Variants in GFOD1 observed in about 807,000 individuals in gnomAD.
GFOD1 encodes glucose-fructose oxidoreductase domain-containing protein 1.
Under a neutral mutation model 25.4 loss-of-function variants are expected in GFOD1, and 9 were observed. The ratio of observed to expected loss-of-function variants is 0.35; its 90% CI spans 0.21 to 0.62. The LOEUF is 0.62. GFOD1 is among the 20% of genes least tolerant of loss of function. The pLI, the probability that GFOD1 is intolerant of heterozygous loss-of-function variation, is 0.72. For missense variants in GFOD1, 403 were observed against 556.9 expected (o/e 0.72, Z 2.78); for synonymous variants, 253 against 245.6 (o/e 1.03, Z -0.28).
chr6:13,435,282 C>A (rs1757817087), intron 1 of GFOD1, among the ~76,000 whole-genome samples: 1 of 152,160 alleles, frequency 6.6e-6, no homozygotes, highest in Non-Finnish European at 1.5e-5. Context: ...CTACTTGCAT[C>A]CTGAACAAGT....
chr6:13,424,188 T>C (rs546510342), intron 1 of GFOD1, among the ~76,000 whole-genome samples: 6 of 152,186 alleles, frequency 3.9e-5, no homozygotes, highest in Admixed American at 6.5e-5. Context: ...AAAATAATTA[T>C]AATGGGCTCA....
At chr6:13,415,758 T>G (rs1451118055) in intron 1 of GFOD1, among the ~76,000 whole-genome samples, 1 of 152,212 alleles carries the variant, frequency 6.6e-6, no homozygotes, top group Non-Finnish European at 1.5e-5. Context: ...GCACATAGAG[T>G]TTGAGCCATG....
In GFOD1 at chr6:13,376,983, T is replaced by C. The variant is rs551203210; in HGVS notation, c.254-11321A>G. 3.3e-5 allele frequency among the ~76,000 whole-genome samples: 5 copies of C among 151,606 alleles called. No individual in the cohort carries two copies. The South Asian group carries it at 1.0e-3, about 32-fold the overall frequency. On this transcript the variant is annotated intron_variant, in intron 1 of 1. Coordinates refer to ENST00000379287, the MANE Select transcript of GFOD1 (RefSeq NM_018988.4). ...CTATTCAAGGTGGGTTGTGCTTTAG[T>C]GAAGGGATCACAAGTGTATTTACCC...
intron 1 of GFOD1, among the ~76,000 whole-genome samples, chr6:13,424,527 T>A (rs1786317340): frequency 6.6e-6 from 1 of 152,080 alleles, no homozygotes; most frequent in Admixed American, 6.5e-5. Flanking sequence ...TGGAACAACA[T>A]AAAACTATTA....
chr6:13,437,722 A>G (rs1009926404), intron 1 of GFOD1, among the ~76,000 whole-genome samples: 7 of 152,178 alleles, frequency 4.6e-5, no homozygotes, highest in African/African-American at 1.7e-4. Context: ...CAATGCATAC[A>G]CCATGGGCCA....
intron 1 of GFOD1, among the ~76,000 whole-genome samples, chr6:13,445,634 T>C (rs1306152108): frequency 6.6e-6 from 1 of 152,250 alleles, no homozygotes; most frequent in African/African-American, 2.4e-5. Context: ...GGGTCTGGCA[T>C]CTCTGTTCTT....
intron 1 of GFOD1, among the ~76,000 whole-genome samples, chr6:13,413,946 C>A (rs1276978822): frequency 6.6e-6 from 1 of 152,184 alleles, no homozygotes; most frequent in Non-Finnish European, 1.5e-5. Flanking sequence ...CATAATAGGG[C>A]CAAGCCCCTA....
At chr6:13,399,059 G>C (rs1785792209) in intron 1 of GFOD1, among the ~76,000 whole-genome samples, 1 of 152,156 alleles carries the variant, frequency 6.6e-6, no homozygotes. Flanking sequence ...ATGTTACCCA[G>C]GCTGGAGTGC....
At chr6:13,381,722 A>G (rs770972435) in intron 1 of GFOD1, among the ~76,000 whole-genome samples, 3 of 152,116 alleles carry the variant, frequency 2.0e-5, no homozygotes, top group African/African-American at 2.4e-5. Flanking sequence ...CAGAGGCCCA[A>G]GTGTGGCTTG....
At chr6:13,376,841 T>A (rs907867415) in intron 1 of GFOD1, among the ~76,000 whole-genome samples, 1 of 152,060 alleles carries the variant, frequency 6.6e-6, no homozygotes, top group Admixed American at 6.6e-5. Flanking sequence ...AACCTCAGAA[T>A]CTCCTTGTTG....
intron 1 of GFOD1, among the ~76,000 whole-genome samples, chr6:13,376,924 T>C (rs1785267455): frequency 1.3e-5 from 2 of 152,044 alleles, no homozygotes; most frequent in Non-Finnish European, 2.9e-5. Flanking sequence ...TACTTTAAAC[T>C]AGGCAACATC....
At chr6:13,446,625 A>G (rs1758007268) in intron 1 of GFOD1, among the ~76,000 whole-genome samples, 1 of 152,178 alleles carries the variant, frequency 6.6e-6, no homozygotes, top group Admixed American at 6.5e-5. Flanking sequence ...CACACCCCTG[A>G]CACTGGCAGC....
intron 1 of GFOD1, among the ~76,000 whole-genome samples, chr6:13,419,401 C>A (rs1227862344): frequency 6.6e-6 from 1 of 152,166 alleles, no homozygotes; most frequent in Non-Finnish European, 1.5e-5. Context: ...ACAATATGTG[C>A]TCTTAAATGG....
At chr6:13,456,811 C>T (rs1758198202) in intron 1 of GFOD1, among the ~76,000 whole-genome samples, 1 of 152,164 alleles carries the variant, frequency 6.6e-6, no homozygotes, top group Admixed American at 6.5e-5. Context: ...GGAATGAAAA[C>T]CTTCCTATTC....
chr6:13,410,619 GAAGA>G (rs1379920907), intron 1 of GFOD1, among the ~76,000 whole-genome samples: 3 of 113,410 alleles, frequency 2.6e-5, no homozygotes, highest in Non-Finnish European at 3.7e-5. Context: ...AGAGAGGAAG[GAAGA>G]AAGGAAGAAA....
chr6:13,371,850 G>C (rs1785160738), intron 1 of GFOD1, among the ~76,000 whole-genome samples: 1 of 152,180 alleles, frequency 6.6e-6, no homozygotes, highest in Non-Finnish European at 1.5e-5. Context: ...GCCCCCCTGA[G>C]GGCTCTGTCC....
In GFOD1 at chr6:13,365,062, A is replaced by G; in HGVS notation, c.854T>C (p.Val285Ala). The change falls in exon 2 of 2, where the codon GTG (valine) becomes GCG (alanine). Residue 285 changes from valine (V) to alanine (A), a missense_variant. Coordinates refer to ENST00000379287, the MANE Select transcript of GFOD1 (RefSeq NM_018988.4). The surrounding 1 kb of genome is among the most constrained non-coding windows in gnomAD (Gnocchi z 9.2). ...CTTCTCCGGAAGCAGGGAGTTGCTC[A>G]CCGGCGTGGCGTCCTGCACCAGCAG... ...QELLVQDATP[V>A]SNSLLPEKAF... The G allele has an allele frequency of 6.2e-7, 1 of 1,611,234 alleles. No individual in the cohort carries two copies. The highest frequency in any genetic ancestry group is 8.5e-7 in the Non-Finnish European group (1 of 1,179,880).
intron 1 of GFOD1, among the ~76,000 whole-genome samples, chr6:13,373,727 C>T (rs1317563379): frequency 1.4e-5 from 2 of 145,804 alleles, no homozygotes; most frequent in Non-Finnish European, 3.0e-5. Flanking sequence ...TGCTAATCTC[C>T]TTCCTGCTCC....
At chr6:13,414,017 T>C (rs961743215) in intron 1 of GFOD1, among the ~76,000 whole-genome samples, 2 of 152,220 alleles carry the variant, frequency 1.3e-5, no homozygotes, top group Non-Finnish European at 2.9e-5. Flanking sequence ...TGCTTTACAG[T>C]TGCCAAAGCA....
Sources: allele counts gnomAD v4.1 joint callset (sites outside exome capture counted in the v4.1 genomes callset), GRCh38; gene constraint gnomAD v4.1.1; non-coding constraint Gnocchi (gnomAD v3.1); transcripts MANE v1.5; gene names NCBI Gene and HGNC (gene_info 2026-07-23, HGNC 2026-07-21).